COG6: variants seen among roughly 807,000 people sequenced by gnomAD.
COG6 encodes the protein conserved oligomeric Golgi complex subunit 6.
Under a neutral mutation model 88.8 loss-of-function variants are expected in COG6, and 74 were observed. The ratio of observed to expected loss-of-function variants is 0.83; its 90% CI spans 0.69 to 1.01. The LOEUF is 1.01. COG6 is among the 50% of genes least tolerant of loss of function. The pLI, the probability that COG6 is intolerant of heterozygous loss-of-function variation, is 0.00. For missense variants in COG6, 800 were observed against 797.9 expected, an observed-to-expected ratio of 1.00 and a Z score of -0.03; for synonymous variants, 286 against 278.7, an observed-to-expected ratio of 1.03 and a Z score of -0.26.
intron 18 of COG6, among the ~76,000 whole-genome samples, chr13:39,757,953 G>A (rs1276106967): frequency 6.6e-6 from 1 of 152,164 alleles, no homozygotes; most frequent in Non-Finnish European, 1.5e-5. Context: ...CTGGCACAGT[G>A]GCTCATGCCT....
chr13:39,760,649 A>G (rs1288427439), intron 18 of COG6, among the ~76,000 whole-genome samples: 3 of 152,112 alleles, frequency 2.0e-5, no homozygotes, highest in Non-Finnish European at 4.4e-5. Flanking sequence ...CAAACACACT[A>G]CTATGATTTA....
chr13:39,656,897 T>C (rs1458322796), intron 1 of COG6: 1 of 455,872 alleles, frequency 2.2e-6, no homozygotes, highest in East Asian at 7.0e-5. Flanking sequence ...CCAGGTAAAG[T>C]CCTTTGCAAA....
intron 13 of COG6, among the ~76,000 whole-genome samples, chr13:39,702,094 G>A (rs1307212931): frequency 6.6e-6 from 1 of 151,948 alleles, no homozygotes; most frequent in Non-Finnish European, 1.5e-5. Context: ...CTGAAAATCA[G>A]AATAAGATGA....
At chr13:39,680,082 C>T in intron 7 of COG6, 37 bp downstream of exon 7, 1 of 1,210,482 alleles carries the variant, frequency 8.3e-7, no homozygotes, top group South Asian at 1.3e-5. Context: ...GATTCATGAA[C>T]ATTTGTAGTT....
intron 18 of COG6, among the ~76,000 whole-genome samples, chr13:39,775,742 A>G (rs1251527897): frequency 6.6e-6 from 1 of 152,198 alleles, no homozygotes; most frequent in Non-Finnish European, 1.5e-5. Context: ...GAAATATCCT[A>G]AAATAATCTT....
intron 1 of COG6, among the ~76,000 whole-genome samples, chr13:39,658,146 C>CTT (rs1235361524): frequency 2.3e-5 from 3 of 132,420 alleles, no homozygotes; most frequent in Non-Finnish European, 3.3e-5. Flanking sequence ...TTTGGAATAT[C>CTT]TTTTTTTTTT....
chr13:39,790,523 A>G (rs1435407019), exon 19 of COG6: 1 of 152,126 alleles, frequency 6.6e-6, no homozygotes, highest in Non-Finnish European at 1.5e-5. Context: ...TTAATATCTC[A>G]TAGATACTGT....
At chr13:39,752,984 C>T (rs1208344816), downstream of COG6, among the ~76,000 whole-genome samples, 3 of 152,188 alleles carry the variant, frequency 2.0e-5, no homozygotes, top group Non-Finnish European at 4.4e-5. Context: ...ATTTCTTTCT[C>T]TGTGCCTTCA....
At chr13:39,768,364 C>T (rs545369612) in intron 18 of COG6, among the ~76,000 whole-genome samples, 3 of 152,212 alleles carry the variant, frequency 2.0e-5, no homozygotes, top group Non-Finnish European at 2.9e-5. Flanking sequence ...TGGCTTAGCA[C>T]TGCCACAGGG....
Position 39,660,280 on chromosome 13 carries a change from C to G in COG6, c.298-530C>G, listed in dbSNP as rs369634033. Among the ~76,000 whole-genome samples, 631 of 152,160 alleles carry G rather than the reference C, an allele frequency of 4.1e-3. 4 individuals are homozygous for G. Among genetic ancestry groups the G allele is most frequent in the Non-Finnish European group, 4.7e-3 (318 of 68,010 alleles). On this transcript the variant is annotated intron_variant, in intron 2 of 18. Transcript: ENST00000455146. ...GTATGATCATAGTACACTACAGCATCGAACTCCTGGGCTCACGCAATTCTC... is the reference window on the plus strand; with the variant it reads ...GTATGATCATAGTACACTACAGCATGGAACTCCTGGGCTCACGCAATTCTC...
intron 18 of COG6, among the ~76,000 whole-genome samples, chr13:39,742,717 T>A (rs528414108): frequency 1.4e-3 from 218 of 152,274 alleles, no homozygotes; most frequent in African/African-American, 4.7e-3. Flanking sequence ...TTAACAAGGA[T>A]ATCCAGGACT....
intron 18 of COG6, among the ~76,000 whole-genome samples, chr13:39,758,062 A>G (rs909193630): frequency 1.3e-5 from 2 of 151,958 alleles, no homozygotes; most frequent in Non-Finnish European, 2.9e-5. Context: ...TCTACTAAAA[A>G]TACAAAAATT....
intron 5 of COG6, 75 bp downstream of exon 5, chr13:39,677,654 C>G (rs976913339): frequency 7.8e-6 from 6 of 765,514 alleles, no homozygotes; most frequent in Non-Finnish European, 1.3e-5. Flanking sequence ...TTTTTTGAAG[C>G]TTTATTTTCC....
intron 18 of COG6, among the ~76,000 whole-genome samples, chr13:39,736,692 AAAAAAAC>A (rs1157025336): frequency 6.6e-6 from 1 of 152,118 alleles, no homozygotes; most frequent in Non-Finnish European, 1.5e-5. Flanking sequence ...ACTCCATTTC[AAAAAAAC>A]AAAAAACAAG....
At chr13:39,689,128 A>G (rs1030613739) in intron 10 of COG6, among the ~76,000 whole-genome samples, 40 of 152,326 alleles carry the variant, frequency 2.6e-4, no homozygotes, top group Middle Eastern at 3.4e-3. Flanking sequence ...GATGTTTTAG[A>G]AAAGTATAAG....
chr13:39,676,568 A>G (rs1453253975), intron 4 of COG6, among the ~76,000 whole-genome samples: 1 of 152,124 alleles, frequency 6.6e-6, no homozygotes, highest in Non-Finnish European at 1.5e-5. Flanking sequence ...CTTTGAATTT[A>G]AAACCTCCAT....
intron 13 of COG6, among the ~76,000 whole-genome samples, chr13:39,712,933 A>G (rs978308688): frequency 6.6e-6 from 1 of 152,220 alleles, no homozygotes; most frequent in African/African-American, 2.4e-5. Flanking sequence ...GATCATGACA[A>G]AAATAGAGGG....
chr13:39,699,313 A>G lies in COG6; in HGVS notation c.1167-188A>G, dbSNP rs143925263. On this transcript the variant is annotated intron_variant, in intron 12 of 18. Transcript: ENST00000455146. ...AGTAGTTTGTTTTTATTTTTTCATC[A>G]CCTAACTCAAAAGAAAAACAAAAAT... Among the ~76,000 whole-genome samples the G allele has an allele frequency of 2.9e-3, 440 of 151,950 alleles. 2 individuals carry two copies. Among genetic ancestry groups the G allele is most frequent in the Middle Eastern group, 6.8e-3 (2 of 294 alleles).
rs761758694 is a variant in COG6 at position 39,655,682 on chromosome 13, C to G, written c.-45C>G. The G allele has an allele frequency of 2.6e-6, 4 of 1,553,308 alleles. No individual in the cohort carries two copies. The highest frequency in any genetic ancestry group is 1.2e-5 in the South Asian group (1 of 84,710). On this transcript the variant is annotated 5_prime_UTR_variant, in exon 1 of 19. Transcript: ENST00000455146. ...GCAATACTCGCGCTGCCTCCGTGGTCCCTGCCTGGCTGAGGTGGCAGCAGG... is the reference window on the plus strand; with the variant it reads ...GCAATACTCGCGCTGCCTCCGTGGTGCCTGCCTGGCTGAGGTGGCAGCAGG...
Sources: gnomAD v4.1 joint callset for allele counts (sites outside exome capture counted in the v4.1 genomes callset) on GRCh38, gnomAD v4.1.1 for gene constraint, MANE v1.5 for transcripts, NCBI Gene and HGNC (gene_info 2026-07-23, HGNC 2026-07-21) for gene names.